Variants in ADGRG3 observed in about 807,000 individuals in gnomAD.
The protein encoded by ADGRG3 is G protein-coupled receptor 97.
Under a neutral mutation model 54.3 loss-of-function variants are expected in ADGRG3, and 39 were observed. That is an observed-to-expected ratio of 0.72 (90% CI 0.56 to 0.94). The LOEUF is 0.94. Among genes scored for constraint, ADGRG3 ranks in the 40% least tolerant of loss-of-function variants. The pLI is 0.00. For missense variants in ADGRG3, 654 were observed against 694.6 expected, an observed-to-expected ratio of 0.94 and a Z score of 0.66; for synonymous variants, 312 against 290.0, an observed-to-expected ratio of 1.08 and a Z score of -0.77.
rs749030365 is a variant in ADGRG3 at position 57,678,175 on chromosome 16, G to A, written c.351G>A (p.Pro117=). 2.1e-5 allele frequency: 34 copies of A among 1,613,990 alleles called. No homozygotes were observed. The highest frequency in any genetic ancestry group is 1.2e-4 in the Admixed American group (7 of 60,004). ...FYFSLEPSQV[P]RQVMKDEDKP... is the part of the protein sequence containing the mutation. The stretch of plus-strand genomic sequence containing the variant: ...TGCTGTGTCTGTGGTTGTAGGTTCC[G>A]AGGCAGGTGATGAAGGACGAGGACA... The change falls in exon 4 of 12, where the codon CCG becomes CCA. Residue 117 remains proline (P), a synonymous_variant. Transcript: ENST00000333493.
rs780896142 is a variant in ADGRG3 at position 57,688,423 on chromosome 16, G to A, written c.1612G>A (p.Ala538Thr). The A allele has an allele frequency of 6.2e-7, 1 of 1,612,790 alleles. No homozygotes were observed. The highest frequency in any genetic ancestry group is 8.5e-7 in the Non-Finnish European group (1 of 1,178,822). The change falls in exon 12 of 12, where the codon GCA becomes ACA. Residue 538 changes from alanine to threonine, a missense_variant. By Grantham distance (58) the Ala-to-Thr change is moderately conservative. Transcript: ENST00000333493. ...SQSTTVSSSTARLDQAHSASQ... is the reference protein window; with the variant it reads ...SQSTTVSSSTTRLDQAHSASQ... ...GAGCACCACAGTCTCCTCCTCTACT[G>A]CAAGATTGGACCAGGCCCACTCCGC...
chr16:57,671,705 T>C (rs1172701205), intron 1 of ADGRG3, among the ~76,000 whole-genome samples: 2 of 151,904 alleles, frequency 1.3e-5, no homozygotes, highest in African/African-American at 4.8e-5. Flanking sequence ...TTTCTATGAG[T>C]TCTCAACACA....
In ADGRG3 at chr16:57,680,490, TG is replaced by T; in HGVS notation, c.769-11del. Reference sequence around the variant, plus strand: ...CCTCCAACTGACGTGGTCCCGGTTCTGGGGTCACCCACAGAGACCCACCTTG... The same window carrying T: ...CCTCCAACTGACGTGGTCCCGGTTCTGGGTCACCCACAGAGACCCACCTTG... On this transcript the variant is annotated splice_polypyrimidine_tract_variant and intron_variant, in intron 7 of 11. Coordinates refer to ENST00000333493, the MANE Select transcript of ADGRG3 (RefSeq NM_170776.5). 1 of 1,601,258 alleles carries T rather than the reference TG, an allele frequency of 6.2e-7. No individual in the cohort carries two copies. Among genetic ancestry groups the T allele is most frequent in the Non-Finnish European group, 8.6e-7 (1 of 1,168,302 alleles).
chr16:57,671,444 A>C (rs1392605084), intron 1 of ADGRG3, among the ~76,000 whole-genome samples: 3 of 148,866 alleles, frequency 2.0e-5, no homozygotes, highest in African/African-American at 7.5e-5. Context: ...GGGTTGAAGC[A>C]ATTCTCCTGC....
At chr16:57,685,614 A>C (rs769814436) in intron 10 of ADGRG3, 29 bp from the exon 11 acceptor site, 2 of 1,609,752 alleles carry the variant, frequency 1.2e-6, no homozygotes, top group Admixed American at 1.7e-5. Flanking sequence ...TACCACTCCC[A>C]GTCCCACCAC....
At chr16:57,679,680 C>T in intron 5 of ADGRG3, 136 bp from the exon 6 acceptor site, 1 of 773,966 alleles carries the variant, frequency 1.3e-6, no homozygotes. Context: ...TCTGTGTGGC[C>T]CATGGGTGTG....
rs776904679 is a variant in ADGRG3 at position 57,680,519 on chromosome 16, C to A, written c.783C>A (p.Asp261Glu). ...FFALLLRPTL[D>E]QSTVHILTRI... ...GTCACCCACAGAGACCCACCTTGGA[C>A]CAGTCCACGGTGCATATCCTCACAC... is the stretch of plus-strand genomic sequence containing the variant. The change falls in exon 8 of 12, where the codon GAC becomes GAA. Residue 261 changes from aspartate to glutamate, a missense_variant. By Grantham distance (45) the Asp-to-Glu change is conservative. Transcript: ENST00000333493. 8.1e-6 allele frequency: 13 copies of A among 1,613,664 alleles called. No homozygotes were observed. Among genetic ancestry groups the A allele is most frequent in the Admixed American group, 1.7e-5 (1 of 59,998 alleles).
chr16:57,684,419 G>A lies in ADGRG3; in HGVS notation c.1192G>A (p.Gly398Arg). ...GCCCGCCCTGATGGTCATCGGCACT[G>A]GGAGTGCCAACAGCTACGGCCTCTA... ...GLPALMVIGT[G>R]SANSYGLYTI... The change falls in exon 10 of 12, where the codon GGG (glycine) becomes AGG (arginine). Residue 398 changes from glycine to arginine, a missense_variant. Physicochemically the swap from Gly to Arg is moderately radical, Grantham distance 125 (BLOSUM62 -2). Transcript: ENST00000333493. The A allele has an allele frequency of 6.2e-7, 1 of 1,613,724 alleles. No homozygotes were observed. Among genetic ancestry groups the A allele is most frequent in the East Asian group, 2.2e-5 (1 of 44,840 alleles).
At chr16:57,678,032 T>G in intron 3 of ADGRG3, 138 bp from the exon 4 acceptor site, 1 of 971,318 alleles carries the variant, frequency 1.0e-6, no homozygotes, top group Non-Finnish European at 1.6e-6. Flanking sequence ...GTGCCCCAGG[T>G]GTCCTGCCTC....
At chr16:57,675,200 G>A (rs1184092045) in intron 2 of ADGRG3, among the ~76,000 whole-genome samples, 2 of 151,854 alleles carry the variant, frequency 1.3e-5, no homozygotes, top group African/African-American at 4.8e-5. Context: ...CAGGGGCCAG[G>A]CACTGTGGCT....
At chr16:57,683,883 C>T (rs1051974378) in intron 8 of ADGRG3, 49 bp from the exon 9 acceptor site, 54 of 1,484,830 alleles carry the variant, frequency 3.6e-5, no homozygotes, top group Non-Finnish European at 4.9e-5. Flanking sequence ...CTCATGGGAG[C>T]TCCCCATGGG....
chr16:57,677,956 C>T (rs1030542559), intron 3 of ADGRG3, among the ~76,000 whole-genome samples: 2 of 152,196 alleles, frequency 1.3e-5, no homozygotes, highest in Admixed American at 1.3e-4. Context: ...ATTGGGAAAA[C>T]CGAGGCTCCA....
rs990103961 is a variant in ADGRG3 at position 57,682,521 on chromosome 16, C to T, written c.882-1411C>T. 18 of 985,298 alleles carry T rather than the reference C, an allele frequency of 1.8e-5. No individual in the cohort carries two copies. The Admixed American group carries it at 2.5e-4, about 13-fold the overall frequency. 61.0% of individuals were successfully genotyped at this position (985,298 alleles called of 1,614,324 possible). A position where few individuals can be genotyped will look rare whatever the true frequency, so the allele number is the denominator to read the frequency against. ...GACATGGTCCCCATCCCCAACAAGC[C>T]GAGTGTGACTTGCCAGCTGGCCGCA... On this transcript the variant is annotated intron_variant, in intron 8 of 11. Coordinates refer to ENST00000333493, the MANE Select transcript of ADGRG3 (RefSeq NM_170776.5).
intron 10 of ADGRG3, among the ~76,000 whole-genome samples, chr16:57,685,090 G>A (rs1350906757): frequency 6.6e-6 from 1 of 152,222 alleles, no homozygotes; most frequent in Non-Finnish European, 1.5e-5. Flanking sequence ...TCAGTTTCTA[G>A]ACTCACACCT....
chr16:57,671,450 C>T (rs2048158310), intron 1 of ADGRG3, among the ~76,000 whole-genome samples: 1 of 148,586 alleles, frequency 6.7e-6, no homozygotes, highest in Non-Finnish European at 1.5e-5. Context: ...AAGCAATTCT[C>T]CTGCCTCAGC....
At chr16:57,681,726 C>CAAA (rs775852211) in intron 8 of ADGRG3, among the ~76,000 whole-genome samples, 3 of 75,176 alleles carry the variant, frequency 4.0e-5, no homozygotes, top group Non-Finnish European at 5.6e-5. Flanking sequence ...AACTCCGTCT[C>CAAA]AAAAAAAAAA....
rs1341203784 is a variant in ADGRG3 at position 57,688,678 on chromosome 16, G to C, written c.*217G>C. On this transcript the variant is annotated 3_prime_UTR_variant, in exon 12 of 12. Coordinates refer to ENST00000333493, the MANE Select transcript of ADGRG3 (RefSeq NM_170776.5). ...GTAAGCAGGTTTGCAAGGCTCTAAA[G>C]TTCCTATAGTCCTGAGACCCCCTGC... The C allele has an allele frequency of 1.3e-5, 7 of 542,894 alleles. No individual in the cohort carries two copies. The highest frequency in any genetic ancestry group is 3.0e-5 in the East Asian group (1 of 33,056). The allele number at this position is 542,894 out of a possible 1,614,324, so 33.6% of individuals were successfully genotyped here.
intron 1 of ADGRG3, among the ~76,000 whole-genome samples, chr16:57,670,352 G>A (rs1311422673): frequency 1.3e-5 from 2 of 152,166 alleles, no homozygotes; most frequent in African/African-American, 4.8e-5. Context: ...CTTGCCAAGA[G>A]CTTCACTTAC....
At chr16:57,669,166 G>A (rs905809423) in intron 1 of ADGRG3, among the ~76,000 whole-genome samples, 4 of 152,192 alleles carry the variant, frequency 2.6e-5, no homozygotes, top group Non-Finnish European at 4.4e-5. Context: ...CAGTGCTCCT[G>A]TCTCAGGGCC....
Sources: allele counts gnomAD v4.1 joint callset (sites outside exome capture counted in the v4.1 genomes callset), GRCh38; gene constraint gnomAD v4.1.1; transcripts MANE v1.5; gene names NCBI Gene and HGNC (gene_info 2026-07-23, HGNC 2026-07-21).